DCTD: variants seen among roughly 807,000 people sequenced by gnomAD.
DCTD encodes the protein deoxycytidylate deaminase.
DCTD carries 23 observed loss-of-function variants against 21.0 expected under a neutral mutation model. The ratio of observed to expected loss-of-function variants is 1.09; its 90% CI spans 0.79 to 1.55. The LOEUF (loss-of-function observed/expected upper bound fraction) is 1.55, where lower values mean the gene tolerates loss of function less well. Ranked by LOEUF, DCTD falls within the 40% of genes most tolerant of loss-of-function variation. The pLI, the probability that DCTD is intolerant of heterozygous loss-of-function variation, is 0.00. For synonymous variants in DCTD, 71 were observed against 81.1 expected, an observed-to-expected ratio of 0.88 and a Z score of 0.67; for missense variants, 224 against 230.0, an observed-to-expected ratio of 0.97 and a Z score of 0.17.
At position 182,917,006 on chromosome 4, in the gene DCTD, AGGAAG is replaced by A. The variant is rs1473635171; in HGVS notation, c.-8+300_-8+304del. On this transcript the variant is annotated intron_variant, in intron 1 of 5. Transcript: ENST00000438320. This position sits in a 1 kb window ranked among gnomAD's most constrained non-coding sequence, Gnocchi z 4.9. ...GCATTCCCAACCCACACACGGGCGC[AGGAAG>A]GGATGTGGTGTTCAGACGCCCAGCA... 9 of 989,834 alleles carry A rather than the reference AGGAAG, an allele frequency of 9.1e-6. No homozygotes were observed. In the African/African-American group the frequency reaches 1.6e-4, roughly 17 times the overall value. The allele number at this position is 989,834 out of a possible 1,614,324, so 61.3% of individuals were successfully genotyped here.
At chr4:182,912,842 GC>G (rs1375782108) in intron 3 of DCTD, among the ~76,000 whole-genome samples, 1 of 152,138 alleles carries the variant, frequency 6.6e-6, no homozygotes, top group East Asian at 1.9e-4. Flanking sequence ...CCATTGGGAG[GC>G]CCACTCAGTG....
intron 3 of DCTD, among the ~76,000 whole-genome samples, chr4:182,896,902 C>T (rs943326619): frequency 4.6e-5 from 7 of 152,206 alleles, no homozygotes; most frequent in Non-Finnish European, 7.4e-5. Context: ...TTGATGGTGA[C>T]GTTCGGAAGT....
chr4:182,895,608 G>C (rs565777268), intron 3 of DCTD, among the ~76,000 whole-genome samples: 1 of 152,206 alleles, frequency 6.6e-6, no homozygotes, highest in African/African-American at 2.4e-5. Flanking sequence ...TCCTCCTTGA[G>C]GGGGAATGAG....
intron 3 of DCTD, among the ~76,000 whole-genome samples, chr4:182,895,593 C>T (rs1301577284): frequency 6.6e-6 from 1 of 152,174 alleles, no homozygotes; most frequent in Non-Finnish European, 1.5e-5. Flanking sequence ...AATCCACAGG[C>T]GACATCCTCC....
At chr4:182,899,257 C>T (rs1222008733) in intron 3 of DCTD, among the ~76,000 whole-genome samples, 1 of 152,194 alleles carries the variant, frequency 6.6e-6, no homozygotes, top group Non-Finnish European at 1.5e-5. Flanking sequence ...TATTCTAAAA[C>T]CTCTCAGGAC....
chr4:182,908,195 T>G (rs1183257567), intron 3 of DCTD, among the ~76,000 whole-genome samples: 4 of 152,020 alleles, frequency 2.6e-5, no homozygotes, highest in African/African-American at 9.7e-5. Context: ...GAAGGGAGAT[T>G]CCGGATTAAA....
chr4:182,916,554 C>G, intron 1 of DCTD: 1 of 988,564 alleles, frequency 1.0e-6, no homozygotes, highest in Non-Finnish European at 1.2e-6. Context: ...GACAAGGATG[C>G]AGTGGAGAGT....
intron 2 of DCTD, 42 bp downstream of exon 2, chr4:182,915,419 T>C (rs754306733): frequency 1.6e-6 from 2 of 1,286,642 alleles, no homozygotes; most frequent in Non-Finnish European, 1.1e-6. Flanking sequence ...GTAATCTCTT[T>C]GCCTGTGAGT....
At chr4:182,904,930 T>A (rs749833665) in intron 3 of DCTD, among the ~76,000 whole-genome samples, 3 of 152,164 alleles carry the variant, frequency 2.0e-5, no homozygotes, top group Non-Finnish European at 4.4e-5. Context: ...GAAATCTCTA[T>A]CTCACTCTCT....
chr4:182,906,558 A>G (rs1279495546), intron 3 of DCTD, among the ~76,000 whole-genome samples: 1 of 152,260 alleles, frequency 6.6e-6, no homozygotes, highest in African/African-American at 2.4e-5. Context: ...AAAAAGAAAG[A>G]AAGATGACTC....
chr4:182,907,930 C>T (rs1314326508), intron 3 of DCTD, among the ~76,000 whole-genome samples: 2 of 151,992 alleles, frequency 1.3e-5, no homozygotes, highest in Admixed American at 6.6e-5. Flanking sequence ...CTCCTTACGG[C>T]GGCTCCAGGA....
upstream of DCTD, chr4:182,917,410 G>C: frequency 9.6e-7 from 1 of 1,044,828 alleles, no homozygotes; most frequent in East Asian, 6.4e-5. The surrounding 1 kb of genome is among the most constrained non-coding windows in gnomAD (Gnocchi z 4.9). Context: ...CGCGGGGCCG[G>C]AAGGGGGCAG....
chr4:182,903,409 G>A (rs1736100701), intron 3 of DCTD, among the ~76,000 whole-genome samples: 1 of 152,116 alleles, frequency 6.6e-6, no homozygotes. Flanking sequence ...CGCCATGGAG[G>A]GACACATGAT....
At chr4:182,904,840 TC>T (rs1183711906) in intron 3 of DCTD, among the ~76,000 whole-genome samples, 2 of 152,096 alleles carry the variant, frequency 1.3e-5, no homozygotes, top group Non-Finnish European at 2.9e-5. Context: ...CCACCTCCCC[TC>T]TCAGTCCTTC....
chr4:182,907,382 C>T (rs541161401), intron 3 of DCTD, among the ~76,000 whole-genome samples: 47 of 152,314 alleles, frequency 3.1e-4, no homozygotes, highest in African/African-American at 1.1e-3. Flanking sequence ...GAACGATCCA[C>T]CTGCCTCGGC....
intron 5 of DCTD, among the ~76,000 whole-genome samples, chr4:182,892,535 A>T (rs1413533564): frequency 6.6e-6 from 1 of 152,092 alleles, no homozygotes; most frequent in East Asian, 1.9e-4. Flanking sequence ...AGGCTGAGGC[A>T]GGAGAACCGC....
intron 3 of DCTD, among the ~76,000 whole-genome samples, chr4:182,895,917 C>T (rs1164754989): frequency 6.6e-6 from 1 of 152,216 alleles, no homozygotes; most frequent in African/African-American, 2.4e-5. Context: ...GAAGCACTGC[C>T]TTCTGGCTCC....
intron 1 of DCTD, chr4:182,916,794 C>T (rs1334231864): frequency 1.8e-6 from 2 of 1,120,098 alleles, no homozygotes; most frequent in South Asian, 1.8e-5. Flanking sequence ...CCTGTTAATC[C>T]CCTGGGCGCC....
intron 3 of DCTD, among the ~76,000 whole-genome samples, chr4:182,899,333 GT>G (rs1207650095): frequency 6.6e-6 from 1 of 151,672 alleles, no homozygotes; most frequent in Non-Finnish European, 1.5e-5. Flanking sequence ...TCCTGCCTTT[GT>G]GGGCACTTCC....
Sources: allele counts gnomAD v4.1 joint callset (sites outside exome capture counted in the v4.1 genomes callset), GRCh38; gene constraint gnomAD v4.1.1; non-coding constraint Gnocchi (gnomAD v3.1); transcripts MANE v1.5; gene names NCBI Gene and HGNC (gene_info 2026-07-23, HGNC 2026-07-21).